ADAMTSL3: variants seen among roughly 807,000 people sequenced by gnomAD.
ADAMTSL3 encodes ADAMTS like 3, also known as ADAMTS-like protein 3.
In ADAMTSL3, 128 loss-of-function variants were observed where a neutral mutation model predicts 201.7. The observed-to-expected ratio is 0.63, with a 90% CI of 0.55 to 0.73. ADAMTSL3 has a LOEUF of 0.73. Among genes scored for constraint, ADAMTSL3 ranks in the 30% least tolerant of loss-of-function variants. ADAMTSL3 has a pLI of 0.00. For missense variants in ADAMTSL3, 1,990 were observed against 2,119.6 expected (o/e 0.94, Z 1.20); for synonymous variants, 738 against 748.4 (o/e 0.99, Z 0.23).
chr15:84,031,464 C>G (rs377131230), intron 28 of ADAMTSL3, 32 bp downstream of exon 28: 7 of 1,575,136 alleles, frequency 4.4e-6, no homozygotes, highest in Non-Finnish European at 6.1e-6. Flanking sequence ...AGCACACATT[C>G]TCTCCTGACT....
intron 19 of ADAMTSL3, among the ~76,000 whole-genome samples, chr15:83,952,923 T>C (rs2066784957): frequency 6.6e-6 from 1 of 152,226 alleles, no homozygotes; most frequent in Non-Finnish European, 1.5e-5. Flanking sequence ...AAATCTATTT[T>C]GTCTGATATA....
intron 3 of ADAMTSL3, among the ~76,000 whole-genome samples, chr15:83,770,849 T>G (rs919142965): frequency 6.6e-6 from 1 of 152,102 alleles, no homozygotes; most frequent in African/African-American, 2.4e-5. Context: ...GCGGGCGGAT[T>G]ATGAGATCAG....
At position 83,931,262 on chromosome 15, in the gene ADAMTSL3, CTTG is replaced by C. The variant is rs1317972167; in HGVS notation, c.2117+7232_2117+7234del. ...CAATAGTGATGTGTTTCTGTACCAG[CTTG>C]TTACCTATTTCTTGATATAAAAAAC... On this transcript the variant is annotated intron_variant, in intron 17 of 29. Coordinates refer to ENST00000286744, the MANE Select transcript of ADAMTSL3 (RefSeq NM_207517.3). 3.9e-5 allele frequency among the ~76,000 whole-genome samples: 6 copies of C among 152,298 alleles called. No homozygotes were observed. In the East Asian group the frequency reaches 9.6e-4, roughly 24 times the overall value.
chr15:84,004,601 G>A (rs960521248), intron 23 of ADAMTSL3, among the ~76,000 whole-genome samples: 8 of 152,140 alleles, frequency 5.3e-5, no homozygotes, highest in Admixed American at 1.3e-4. Flanking sequence ...GAGTGAACCA[G>A]GAGTGGGTAA....
At chr15:83,861,349 G>C (rs2064854754) in intron 8 of ADAMTSL3, 2 of 153,006 alleles carry the variant, frequency 1.3e-5, no homozygotes, top group Admixed American at 6.5e-5. Context: ...CCTCAAGTGG[G>C]TCCCTGACCC....
At chr15:83,820,156 C>T in intron 6 of ADAMTSL3, 109 bp downstream of exon 6, 1 of 947,874 alleles carries the variant, frequency 1.1e-6, no homozygotes, top group Non-Finnish European at 1.7e-6. Flanking sequence ...GTAAATATTG[C>T]TATTGGCCAG....
In ADAMTSL3 at chr15:84,016,497, A is replaced by C; in HGVS notation, c.4271A>C (p.Gln1424Pro). 1 of 1,613,036 alleles carries C rather than the reference A, an allele frequency of 6.2e-7. No homozygotes were observed. The highest frequency in any genetic ancestry group is 8.5e-7 in the Non-Finnish European group (1 of 1,179,148). ...SNDPTGEPPPQEPFWEPGNWS... is the reference protein window; with the variant it reads ...SNDPTGEPPPPEPFWEPGNWS... ...GACCCAACAGGAGAACCCCCGCCTC[A>C]AGGTCTGGGATTTTGACCTTTTCAG... The change falls in exon 25 of 30, where the codon CAA becomes CCA. Residue 1424 changes from glutamine to proline, a missense_variant and splice_region_variant. Transcript: ENST00000286744.
At position 83,810,208 on chromosome 15, in the gene ADAMTSL3, T is replaced by C. The variant is rs147891488; in HGVS notation, c.363+5513T>C. The stretch of plus-strand genomic sequence containing the variant: ...TCCTCAGAGGGATTTTGGAGCACGA[T>C]GCAAATGCTTCACATCTCTGGTGAT... On this transcript the variant is annotated intron_variant, in intron 5 of 29. Coordinates refer to ENST00000286744, the MANE Select transcript of ADAMTSL3 (RefSeq NM_207517.3). Among the ~76,000 whole-genome samples, 940 of 152,344 alleles carry C rather than the reference T, an allele frequency of 6.2e-3. 4 individuals are homozygous for C. The highest frequency in any genetic ancestry group is 0.027 in the Middle Eastern group (8 of 294).
intron 6 of ADAMTSL3, among the ~76,000 whole-genome samples, chr15:83,835,111 G>A (rs944420431): frequency 6.6e-6 from 1 of 151,762 alleles, no homozygotes; most frequent in Non-Finnish European, 1.5e-5. Context: ...GCGGGTAGCT[G>A]TAGTCCCAGC....
intron 19 of ADAMTSL3, among the ~76,000 whole-genome samples, chr15:83,944,780 T>A (rs555854932): frequency 6.6e-6 from 1 of 152,340 alleles, no homozygotes; most frequent in East Asian, 1.9e-4. Flanking sequence ...GGTGGCCTTG[T>A]TAAATACACC....
chr15:83,865,143 G>A (rs2141807449), intron 8 of ADAMTSL3, among the ~76,000 whole-genome samples: 2 of 152,256 alleles, frequency 1.3e-5, no homozygotes, highest in South Asian at 4.2e-4. Flanking sequence ...AACATTCCAT[G>A]CTCGTGGGTA....
intron 28 of ADAMTSL3, among the ~76,000 whole-genome samples, chr15:84,031,971 T>C (rs940184647): frequency 3.3e-5 from 5 of 152,148 alleles, no homozygotes; most frequent in African/African-American, 1.2e-4. Context: ...GAAGAGCTTT[T>C]TTCATGGGGT....
At chr15:83,826,410 A>C (rs950427454) in intron 6 of ADAMTSL3, among the ~76,000 whole-genome samples, 1 of 150,068 alleles carries the variant, frequency 6.7e-6, no homozygotes, top group African/African-American at 2.5e-5. Context: ...GACATGAGCC[A>C]CTGAGCCTGG....
intron 8 of ADAMTSL3, among the ~76,000 whole-genome samples, chr15:83,867,412 C>G (rs1350035565): frequency 6.6e-6 from 1 of 152,180 alleles, no homozygotes; most frequent in East Asian, 1.9e-4. Context: ...AAGCAATAAG[C>G]AGATCCCTGC....
chr15:83,854,453 C>T (rs1020714877), intron 7 of ADAMTSL3, among the ~76,000 whole-genome samples: 1 of 152,118 alleles, frequency 6.6e-6, no homozygotes, highest in East Asian at 1.9e-4. Flanking sequence ...AAAAGTGATG[C>T]GTGATTTATG....
intron 7 of ADAMTSL3, among the ~76,000 whole-genome samples, chr15:83,858,535 G>C (rs1211035444): frequency 6.6e-6 from 1 of 152,132 alleles, no homozygotes; most frequent in South Asian, 2.1e-4. Context: ...ATCACACCTG[G>C]TTAATTTTTG....
At chr15:83,819,002 G>T (rs1357364557) in intron 5 of ADAMTSL3, among the ~76,000 whole-genome samples, 1 of 152,194 alleles carries the variant, frequency 6.6e-6, no homozygotes, top group African/African-American at 2.4e-5. Flanking sequence ...GCCGGGCACT[G>T]TGGCTCACGC....
intron 17 of ADAMTSL3, among the ~76,000 whole-genome samples, chr15:83,934,224 A>G (rs1189229951): frequency 6.6e-6 from 1 of 152,204 alleles, no homozygotes; most frequent in Non-Finnish European, 1.5e-5. Context: ...TTCCAAGACC[A>G]TGGGAGCCCA....
At chr15:83,783,321 A>G (rs920708618) in intron 4 of ADAMTSL3, among the ~76,000 whole-genome samples, 3 of 151,996 alleles carry the variant, frequency 2.0e-5, no homozygotes, top group Admixed American at 6.6e-5. Flanking sequence ...TACTTGATTG[A>G]TCCAAAAGGG....
Sources: allele counts gnomAD v4.1 joint callset (sites outside exome capture counted in the v4.1 genomes callset), GRCh38; gene constraint gnomAD v4.1.1; transcripts MANE v1.5; gene names NCBI Gene and HGNC (gene_info 2026-07-23, HGNC 2026-07-21).